The following MAOB variants were observed in gnomAD, a reference collection of about 807,000 sequenced individuals.
MAOB encodes the protein amine oxidase [flavin-containing] B.
In MAOB, 15 loss-of-function variants were observed where a neutral mutation model predicts 41.9. That is an observed-to-expected ratio of 0.36 (90% CI 0.24 to 0.55). MAOB has a LOEUF of 0.55. Ranked by LOEUF, MAOB falls within the 20% of genes least tolerant of loss-of-function variation. The pLI is 0.86. For synonymous variants in MAOB, 167 were observed against 144.2 expected, an observed-to-expected ratio of 1.16 and a Z score of -1.13; for missense variants, 345 against 398.7, an observed-to-expected ratio of 0.87 and a Z score of 1.15.
chrX:43,804,104 GAC>G (rs1418722762), intron 3 of MAOB, among the ~76,000 whole-genome samples: 20 of 111,178 alleles, frequency 1.8e-4, no homozygotes, highest in Admixed American at 1.3e-3. Context: ...GCACTTAAGA[GAC>G]ACGCAAAAAA....
Position 43,841,212 on chromosome X carries a change from G to T in MAOB, c.142-2207C>A, listed in dbSNP as rs775055359. On this transcript the variant is annotated intron_variant, in intron 2 of 14. Transcript: ENST00000378069. ...CAGATCTTGAATGTATGGAAGTAGG[G>T]CATTTCCTTGCAGAGAAACTTGCTT... 7.2e-5 allele frequency among the ~76,000 whole-genome samples: 8 copies of T among 111,374 alleles called. No individual in the cohort carries two copies. In the South Asian group the frequency reaches 3.0e-3, roughly 42 times the overall value.
intron 10 of MAOB, among the ~76,000 whole-genome samples, chrX:43,779,285 G>T (rs2147123611): frequency 8.9e-6 from 1 of 112,083 alleles, no homozygotes; most frequent in East Asian, 2.8e-4. Context: ...TCAATAAAAT[G>T]GCACTGGGAC....
intron 1 of MAOB, among the ~76,000 whole-genome samples, chrX:43,874,161 G>A (rs940771364): frequency 8.9e-6 from 1 of 111,874 alleles, no homozygotes; most frequent in Non-Finnish European, 1.9e-5. Context: ...AAACTTTGGA[G>A]GGAAGTTTGC....
chrX:43,791,115 T>C (rs1431830977), intron 8 of MAOB, among the ~76,000 whole-genome samples: 1 of 111,982 alleles, frequency 8.9e-6, no homozygotes, highest in Non-Finnish European at 1.9e-5. Context: ...GTCACTGCAC[T>C]GACTTTGCAA....
At chrX:43,795,420 T>C (rs1358253434) in intron 7 of MAOB, among the ~76,000 whole-genome samples, 4 of 111,712 alleles carry the variant, frequency 3.6e-5, no homozygotes, top group African/African-American at 1.3e-4. Context: ...CTCCCAGAAC[T>C]CGGTCGTTTT....
At chrX:43,860,980 G>A (rs1470240268) in intron 1 of MAOB, among the ~76,000 whole-genome samples, 1 of 112,181 alleles carries the variant, frequency 8.9e-6, no homozygotes, top group Non-Finnish European at 1.9e-5. Context: ...GGTATTTCCT[G>A]ACTCTGCTTC....
intron 1 of MAOB, among the ~76,000 whole-genome samples, chrX:43,846,786 C>T (rs919790923): frequency 3.6e-5 from 4 of 111,651 alleles, no homozygotes; most frequent in Non-Finnish European, 5.6e-5. Context: ...GCATCCCTCA[C>T]CTAAAGACAG....
At chrX:43,832,446 C>T (rs2035029068) in intron 3 of MAOB, among the ~76,000 whole-genome samples, 1 of 111,431 alleles carries the variant, frequency 9.0e-6, no homozygotes, top group African/African-American at 3.3e-5. Context: ...TTTTTTCTGC[C>T]TCTGCCACCC....
chrX:43,843,904 T>C (rs917681379), intron 1 of MAOB, 140 bp from the exon 2 acceptor site: 2 of 1,015,284 alleles, frequency 2.0e-6, no homozygotes, highest in African/African-American at 3.9e-5. Context: ...GTGGATACGG[T>C]TTGTCAATAG....
chrX:43,874,134 C>T (rs752816367), intron 1 of MAOB, among the ~76,000 whole-genome samples: 1 of 111,997 alleles, frequency 8.9e-6, no homozygotes, highest in East Asian at 2.8e-4. Context: ...CAGTCAAGTC[C>T]TTCAATCCCA....
rs367986995 is a variant in MAOB, at chrX:43,882,246, C to G, written c.46+8G>C. 212 of 1,207,757 alleles carry G rather than the reference C, an allele frequency of 1.8e-4. No homozygotes were observed. In the African/African-American group the frequency reaches 2.3e-3, roughly 13 times the overall value. On this transcript the variant is annotated splice_region_variant and intron_variant, in intron 1 of 14. Coordinates refer to ENST00000378069, the MANE Select transcript of MAOB (RefSeq NM_000898.5). ...GAAGAGGAAGGAGGGCGCACAGCCG[C>G]GACTAACCTGAGATGCCGCCCCCCA...
chrX:43,880,699 A>G (rs1602042413), intron 1 of MAOB, among the ~76,000 whole-genome samples: 1 of 112,576 alleles, frequency 8.9e-6, no homozygotes, highest in South Asian at 3.7e-4. Context: ...ACCCTTATCT[A>G]CCTTTTCCAG....
chrX:43,778,705 G>A lies in MAOB; in HGVS notation c.1114C>T (p.Leu372=), dbSNP rs767818753. The change falls in exon 11 of 15, where the codon CTG becomes TTG. Residue 372 remains leucine, a synonymous_variant. Coordinates refer to ENST00000378069, the MANE Select transcript of MAOB (RefSeq NM_000898.5). ...KKLCELYAKV[L]GSLEALEPVH... is the part of the protein sequence containing the mutation. ...ACCTCCAGAGCTTCTAGGGAACCCA[G>A]AACCTTGGCATAGAGTTCACAAAGT... is the stretch of plus-strand genomic sequence containing the variant. 27 of 1,204,619 alleles carry A rather than the reference G, an allele frequency of 2.2e-5. No individual in the cohort carries two copies. In the South Asian group the frequency reaches 4.4e-4, roughly 20 times the overall value.
chrX:43,833,446 C>A (rs1293662250), intron 3 of MAOB, among the ~76,000 whole-genome samples: 1 of 111,146 alleles, frequency 9.0e-6, no homozygotes, highest in Non-Finnish European at 1.9e-5. Context: ...TTCTGTCAAT[C>A]TCTTGGTACT....
chrX:43,882,186 G>C lies in MAOB; in HGVS notation c.46+68C>G, dbSNP rs780217720. On this transcript the variant is annotated intron_variant, in intron 1 of 14. Transcript: ENST00000378069. ...AGCCCCTGCCCCACGGCCGCCCCCC[G>C]CGTCTCCCCCAGGCAGCCACCTGTC... is the stretch of plus-strand genomic sequence containing the variant. 6,277 of 1,183,662 alleles carry C rather than the reference G, an allele frequency of 5.3e-3. 17 individuals are homozygous for C. Among genetic ancestry groups the C allele is most frequent in the Non-Finnish European group, 6.1e-3 (5,344 of 883,095 alleles).
rs747855999 is a variant in MAOB at position 43,819,860 on chromosome X, T to C, written c.280-16456A>G. Among the ~76,000 whole-genome samples the C allele has an allele frequency of 2.9e-3, 322 of 112,129 alleles. 1 individual carries two copies. The highest frequency in any genetic ancestry group is 4.9e-3 in the Non-Finnish European group (259 of 53,219). On this transcript the variant is annotated intron_variant, in intron 3 of 14. Coordinates refer to ENST00000378069, the MANE Select transcript of MAOB (RefSeq NM_000898.5). Reference sequence around the variant, plus strand: ...AATAGCTGCTACAAACATACTCAAATAGGTGAACAGACCAAACTGAGAGAA... The same window carrying C: ...AATAGCTGCTACAAACATACTCAAACAGGTGAACAGACCAAACTGAGAGAA...
intron 1 of MAOB, among the ~76,000 whole-genome samples, chrX:43,853,816 C>T (rs143335892): frequency 0.02 from 2,192 of 111,485 alleles, 46 homozygotes; most frequent in African/African-American, 0.066. Flanking sequence ...GGCACAGATT[C>T]TCCCTCACAT....
At chrX:43,827,986 A>C (rs901639979) in intron 3 of MAOB, among the ~76,000 whole-genome samples, 26 of 111,964 alleles carry the variant, frequency 2.3e-4, no homozygotes, top group African/African-American at 8.5e-4. Context: ...TCAGGAAGAA[A>C]TATGAGGTCC....
chrX:43,825,017 C>T (rs940426390), intron 3 of MAOB, among the ~76,000 whole-genome samples: 2 of 112,732 alleles, frequency 1.8e-5, no homozygotes, highest in Non-Finnish European at 3.7e-5. Flanking sequence ...CCTCTAGGCC[C>T]TATGCCATTT....
Sources: allele counts gnomAD v4.1 joint callset (sites outside exome capture counted in the v4.1 genomes callset), GRCh38; gene constraint gnomAD v4.1.1; transcripts MANE v1.5; gene names NCBI Gene and HGNC (gene_info 2026-07-23, HGNC 2026-07-21).